The following ACAD9 variants were observed in gnomAD, a reference collection of about 807,000 sequenced individuals.
The protein encoded by ACAD9 is complex I assembly factor ACAD9, mitochondrial.
A neutral mutation model predicts 70.2 loss-of-function variants in ACAD9; 53 were observed. That is an observed-to-expected ratio of 0.75 (90% CI 0.61 to 0.95). ACAD9 has a LOEUF of 0.95. Among genes scored for constraint, ACAD9 ranks in the 40% least tolerant of loss-of-function variants. The probability of loss-of-function intolerance (pLI) is 0.00; values close to 1 mark genes in which losing one functional copy is unlikely to be tolerated. For missense variants in ACAD9, 777 were observed against 802.8 expected (o/e 0.97, Z 0.39); for synonymous variants, 313 against 312.1 (o/e 1.00, Z -0.03).
At position 128,899,525 on chromosome 3, in the gene ACAD9, T is replaced by C. The variant is rs112285099; in HGVS notation, c.808+64T>C. On this transcript the variant is annotated intron_variant, in intron 7 of 17. Transcript: ENST00000308982. ...TAAGGGGGAGACTGGCCTTTGACGG[T>C]GTGTGTGTGTGTGTGTGTGTGTGTG... The C allele has an allele frequency of 1.0e-4, 43 of 415,164 alleles. 1 individual carries two copies. In the African/African-American group the frequency reaches 1.1e-3, roughly 10 times the overall value. The allele number at this position is 415,164 out of a possible 1,614,324, so 25.7% of individuals were successfully genotyped here.
At position 128,894,015 on chromosome 3, in the gene ACAD9, A is replaced by T. The variant is rs1231882383; in HGVS notation, c.346+359A>T. On this transcript the variant is annotated intron_variant, in intron 3 of 17. Coordinates refer to ENST00000308982, the MANE Select transcript of ACAD9 (RefSeq NM_014049.5). ...CCAAGTGGCGGTTCTGCCTTATTAG[A>T]GTTGGCCAGTCACTACAACTTGCCT... 2.0e-5 allele frequency among the ~76,000 whole-genome samples: 3 copies of T among 152,104 alleles called. No homozygotes were observed. The East Asian group carries it at 5.8e-4, about 29-fold the overall frequency.
intron 1 of ACAD9, among the ~76,000 whole-genome samples, chr3:128,880,342 G>A (rs145957270): frequency 3.9e-5 from 6 of 152,168 alleles, no homozygotes; most frequent in African/African-American, 1.4e-4. Flanking sequence ...GTAACAGTTT[G>A]GTTATAAAAC....
Position 128,902,676 on chromosome 3 carries a change from C to T in ACAD9, c.958+48C>T. 1.3e-6 allele frequency: 2 copies of T among 1,595,104 alleles called. No individual in the cohort carries two copies. Among genetic ancestry groups the T allele is most frequent in the Non-Finnish European group, 1.7e-6 (2 of 1,165,586 alleles). On this transcript the variant is annotated intron_variant, in intron 9 of 17. Transcript: ENST00000308982. This position sits in a 1 kb window ranked among gnomAD's most constrained non-coding sequence, Gnocchi z 4.0. ...CCTTTGTGCCCCACCCCCTGCTGCC[C>T]CGGCTCCAACCCTGGAGGCTCTGCC...
Position 128,899,318 on chromosome 3 carries a change from T to C in ACAD9, c.665T>C (p.Ile222Thr), listed in dbSNP as rs863223874. 10 of 1,614,246 alleles carry C rather than the reference T, an allele frequency of 6.2e-6. No homozygotes were observed. The highest frequency in any genetic ancestry group is 8.5e-6 in the Non-Finnish European group (10 of 1,180,040). Residue 222 changes from isoleucine to threonine, a missense_variant, in exon 7 of 18, where the codon ATT becomes ACT. By Grantham distance (89) the Ile-to-Thr change is moderately conservative. Coordinates refer to ENST00000308982, the MANE Select transcript of ACAD9 (RefSeq NM_014049.5). ...VWITNGGLAN[I>T]FTVFAKTEVV... ...ATTACTAATGGAGGACTGGCCAATATTTTTACTGTGTTTGCAAAGACTGAG... is the reference window on the plus strand; with the variant it reads ...ATTACTAATGGAGGACTGGCCAATACTTTTACTGTGTTTGCAAAGACTGAG...
intron 1 of ACAD9, 198 bp downstream of exon 1, chr3:128,880,039 G>A: frequency 6.5e-7 from 1 of 1,534,738 alleles, no homozygotes; most frequent in Non-Finnish European, 8.8e-7. Context: ...CCAAGACGGG[G>A]GACCCTTGGA....
rs567802622 is a variant in ACAD9, at chr3:128,890,197, G to C, written c.245-3358G>C. On this transcript the variant is annotated intron_variant, in intron 2 of 17. Coordinates refer to ENST00000308982, the MANE Select transcript of ACAD9 (RefSeq NM_014049.5). ...CCATCTCCCAGGTTCAAGCGATTCT[G>C]CCTCAGCCTCCCGAGTAGCTGAGAT... 4.1e-4 allele frequency among the ~76,000 whole-genome samples: 63 copies of C among 152,014 alleles called. 1 individual carries two copies. The highest frequency in any genetic ancestry group is 2.4e-3 in the Admixed American group (37 of 15,270).
Position 128,901,264 on chromosome 3 carries a change from C to A in ACAD9, c.809-12C>A. 1.2e-6 allele frequency: 2 copies of A among 1,613,336 alleles called. No homozygotes were observed. Among genetic ancestry groups the A allele is most frequent in the Non-Finnish European group, 1.7e-6 (2 of 1,179,448 alleles). On this transcript the variant is annotated splice_polypyrimidine_tract_variant and intron_variant, in intron 7 of 17. Transcript: ENST00000308982. ...CATTGTCAGATGATATCTTAAATTT[C>A]ATGTGTTTCAGCTTGTGAAGTCCAT...
At chr3:128,880,679 G>A (rs570630027) in intron 1 of ACAD9, among the ~76,000 whole-genome samples, 26 of 152,162 alleles carry the variant, frequency 1.7e-4, no homozygotes, top group African/African-American at 6.3e-4. Context: ...GAGCCACCGC[G>A]CCCGGCCAAG....
intron 17 of ACAD9, among the ~76,000 whole-genome samples, chr3:128,911,586 C>T (rs566918733): frequency 6.6e-6 from 1 of 152,120 alleles, no homozygotes; most frequent in Admixed American, 6.5e-5. Context: ...TATAGGCACG[C>T]ACCACCATGC....
intron 2 of ACAD9, among the ~76,000 whole-genome samples, chr3:128,887,199 G>A (rs1935275260): frequency 6.6e-6 from 1 of 152,076 alleles, no homozygotes; most frequent in Non-Finnish European, 1.5e-5. Flanking sequence ...GATTACAGGT[G>A]TCAGCCACCG....
intron 3 of ACAD9, among the ~76,000 whole-genome samples, chr3:128,894,772 C>T: frequency 6.6e-6 from 1 of 152,056 alleles, no homozygotes; most frequent in East Asian, 1.9e-4. Flanking sequence ...TGGAACCAAG[C>T]AATCCTCCCA....
In ACAD9 at chr3:128,902,582, G is replaced by A. The variant is rs376430972; in HGVS notation, c.912G>A (p.Arg304=). Residue 304 remains arginine, a synonymous_variant, in exon 9 of 18, where the codon CGG becomes CGA. Coordinates refer to ENST00000308982, the MANE Select transcript of ACAD9 (RefSeq NM_014049.5). This position sits in a 1 kb window ranked among gnomAD's most constrained non-coding sequence, Gnocchi z 4.0. The part of the protein sequence containing the change: ...KVAMNILNSG[R]FSMGSVVAGL... ...CCATGAACATCCTCAACAGCGGCCG[G>A]TTCAGCATGGGCAGCGTCGTGGCTG... 3 of 1,614,072 alleles carry A rather than the reference G, an allele frequency of 1.9e-6. No individual in the cohort carries two copies. Among genetic ancestry groups the A allele is most frequent in the Admixed American group, 3.3e-5 (2 of 60,010 alleles).
intron 1 of ACAD9, among the ~76,000 whole-genome samples, chr3:128,881,104 A>G (rs573323197): frequency 9.8e-5 from 15 of 152,304 alleles, no homozygotes; most frequent in South Asian, 8.3e-4. Context: ...ATAGCAAGCA[A>G]CTTTACAGAT....
chr3:128,895,701 C>T (rs1228606119), intron 4 of ACAD9, among the ~76,000 whole-genome samples: 2 of 130,198 alleles, frequency 1.5e-5, no homozygotes, highest in South Asian at 2.5e-4. Context: ...CCACTGCCTT[C>T]GCCTTGGGCT....
chr3:128,884,686 G>A lies in ACAD9; in HGVS notation c.184G>A (p.Asp62Asn). The A allele has an allele frequency of 6.2e-7, 1 of 1,612,774 alleles. No homozygotes were observed. Among genetic ancestry groups the A allele is most frequent in the Middle Eastern group, 1.8e-4 (1 of 5,548 alleles). The change falls in exon 2 of 18, where the codon GAT (aspartate) becomes AAT (asparagine). Residue 62 changes from aspartate to asparagine, a missense_variant. Transcript: ENST00000308982. ...EVFPFPEVSQ[D>N]ELNEINQFLG... ...TTTCCCATTTCCAGAAGTTAGCCAA[G>A]ATGAACTTAATGAAATCAATCAGTT...
At chr3:128,910,690 G>A in intron 16 of ACAD9, 51 bp from the exon 17 acceptor site, 2 of 1,604,462 alleles carry the variant, frequency 1.2e-6, no homozygotes, top group Non-Finnish European at 1.7e-6. Flanking sequence ...GAAGCTCAGA[G>A]GTCTGATTCC....
At position 128,912,251 on chromosome 3, in the gene ACAD9, C is replaced by A. The variant is rs111791158; in HGVS notation, c.1766-256C>A. On this transcript the variant is annotated intron_variant, in intron 17 of 17. Transcript: ENST00000308982. The stretch of plus-strand genomic sequence containing the variant: ...AATCACAGATGGGCTGTTTACGGAG[C>A]AAGTGCCGGCTCCACCCCATGAGAT... Among the ~76,000 whole-genome samples, 370 of 152,286 alleles carry A rather than the reference C, an allele frequency of 2.4e-3. 1 individual carries two copies. Among genetic ancestry groups the A allele is most frequent in the African/African-American group, 8.4e-3 (350 of 41,578 alleles).
chr3:128,909,427 C>A lies in ACAD9; in HGVS notation c.1563+6C>A, dbSNP rs748807836. The A allele has an allele frequency of 1.1e-5, 18 of 1,613,710 alleles. No individual in the cohort carries two copies. The highest frequency in any genetic ancestry group is 1.7e-6 in the Non-Finnish European group (2 of 1,180,026). The stretch of plus-strand genomic sequence containing the variant: ...TGCTGCTCCGCTTTGGCAAGGTAAC[C>A]AGGCCCTCCCAGGCCTGGGTCGCAA... On this transcript the variant is annotated splice_donor_region_variant and intron_variant, in intron 15 of 17. Coordinates refer to ENST00000308982, the MANE Select transcript of ACAD9 (RefSeq NM_014049.5).
At chr3:128,881,507 T>G (rs746862696) in intron 1 of ACAD9, among the ~76,000 whole-genome samples, 1 of 152,248 alleles carries the variant, frequency 6.6e-6, no homozygotes, top group Non-Finnish European at 1.5e-5. Context: ...ACTCCAGGTC[T>G]TCTCACCTAC....
Sources: gnomAD v4.1 joint callset for allele counts (sites outside exome capture counted in the v4.1 genomes callset) on GRCh38, gnomAD v4.1.1 for gene constraint, Gnocchi (gnomAD v3.1) non-coding constraint, MANE v1.5 for transcripts, NCBI Gene and HGNC (gene_info 2026-07-23, HGNC 2026-07-21) for gene names.